Variants in DDHD1 observed in about 807,000 individuals in gnomAD.
The protein encoded by DDHD1 is DDHD domain containing 1, also known as phospholipase DDHD1.
In DDHD1, 49 loss-of-function variants were observed where a neutral mutation model predicts 96.4. That is an observed-to-expected ratio of 0.51 (90% CI 0.40 to 0.64). The LOEUF (loss-of-function observed/expected upper bound fraction) is 0.64, where lower values mean the gene tolerates loss of function less well. Ranked by LOEUF, DDHD1 falls within the 30% of genes least tolerant of loss-of-function variation. The pLI is 0.00. For missense variants in DDHD1, 1,106 were observed against 1,161.2 expected (o/e 0.95, Z 0.69); for synonymous variants, 442 against 446.5 (o/e 0.99, Z 0.13).
At chr14:53,068,635 A>G (rs905609651) in intron 6 of DDHD1, among the ~76,000 whole-genome samples, 1 of 152,104 alleles carries the variant, frequency 6.6e-6, no homozygotes, top group East Asian at 1.9e-4. Context: ...ATGTTTTCTC[A>G]TTGTCAGAAT....
chr14:53,037,173 C>T lies in DDHD1; in HGVS notation c.*9595G>A, dbSNP rs536564040. 3.3e-5 allele frequency: 5 copies of T among 152,256 alleles called. No individual in the cohort carries two copies. Among genetic ancestry groups the T allele is most frequent in the Admixed American group, 2.0e-4 (3 of 15,272 alleles). 9.4% of individuals were successfully genotyped at this position (152,256 alleles called of 1,614,324 possible). On this transcript the variant is annotated 3_prime_UTR_variant, in exon 13 of 13. Transcript: ENST00000673822. Reference sequence around the variant, plus strand: ...TACCACATTTTCTTTATCCAGTCCACTGTTGATGGGCAGCCACGTTGATCT... The same window carrying T: ...TACCACATTTTCTTTATCCAGTCCATTGTTGATGGGCAGCCACGTTGATCT...
Position 53,041,773 on chromosome 14 carries a change from G to T in DDHD1, c.*4995C>A, listed in dbSNP as rs1881671378. 1 of 152,102 alleles carries T rather than the reference G, an allele frequency of 6.6e-6. No homozygotes were observed. The highest frequency in any genetic ancestry group is 2.4e-5 in the African/African-American group (1 of 41,400). 9.4% of individuals were successfully genotyped at this position (152,102 alleles called of 1,614,324 possible). Reference sequence around the variant, plus strand: ...CAGACCTGATAGGGTACTCTTATGAGAGTCTGGAAGAAAGAAGGGACCAAC... The same window carrying T: ...CAGACCTGATAGGGTACTCTTATGATAGTCTGGAAGAAAGAAGGGACCAAC... On this transcript the variant is annotated 3_prime_UTR_variant, in exon 13 of 13. Coordinates refer to ENST00000673822, the MANE Select transcript of DDHD1 (RefSeq NM_001160148.2).
At chr14:53,070,207 C>G (rs747451150) in intron 6 of DDHD1, among the ~76,000 whole-genome samples, 6 of 152,140 alleles carry the variant, frequency 3.9e-5, no homozygotes, top group Non-Finnish European at 8.8e-5. Flanking sequence ...ATATTCTGTG[C>G]TATAAAACTC....
intron 7 of DDHD1, among the ~76,000 whole-genome samples, chr14:53,062,113 C>T (rs1883631399): frequency 6.8e-6 from 1 of 147,590 alleles, no homozygotes; most frequent in Non-Finnish European, 1.5e-5. Flanking sequence ...TGGATTTATA[C>T]ATCTAAAATG....
At chr14:53,141,733 AGT>A (rs1890652716) in intron 1 of DDHD1, among the ~76,000 whole-genome samples, 1 of 152,210 alleles carries the variant, frequency 6.6e-6, no homozygotes, top group Non-Finnish European at 1.5e-5. Flanking sequence ...ATTAAGGTGA[AGT>A]GTGAAACTTC....
intron 8 of DDHD1, 28 bp downstream of exon 8, chr14:53,061,098 G>T: frequency 6.3e-7 from 1 of 1,588,248 alleles, no homozygotes; most frequent in Non-Finnish European, 8.6e-7. Flanking sequence ...TGAGATCAAT[G>T]TTGAAGAACA....
rs549900960 is a variant in DDHD1, at chr14:53,087,066, A to T, written c.1289+4719T>A. Among the ~76,000 whole-genome samples the T allele has an allele frequency of 8.6e-5, 13 of 151,862 alleles. No individual in the cohort carries two copies. In the South Asian group the frequency reaches 2.7e-3, roughly 32 times the overall value. ...CAAAGATCGAAAGAGACAAAGAAGG[A>T]CGTTACATAATGGTAAAGGGATCAA... On this transcript the variant is annotated intron_variant, in intron 4 of 12. Transcript: ENST00000673822.
intron 9 of DDHD1, among the ~76,000 whole-genome samples, chr14:53,057,940 C>T (rs546680910): frequency 6.6e-6 from 1 of 152,324 alleles, no homozygotes; most frequent in South Asian, 2.1e-4. Flanking sequence ...ACCTCTGCCT[C>T]CCAGGTTCAA....
At chr14:53,059,494 CTT>C (rs1883353683) in intron 8 of DDHD1, among the ~76,000 whole-genome samples, 1 of 151,492 alleles carries the variant, frequency 6.6e-6, no homozygotes, top group South Asian at 2.1e-4. Context: ...ATCCGCCCAC[CTT>C]AGCCTCCCAA....
rs1018333893 is a variant in DDHD1, at chr14:53,152,910, G to C, written c.189C>G (p.Pro63=). The C allele has an allele frequency of 4.4e-6, 7 of 1,608,194 alleles. No individual in the cohort carries two copies. Among genetic ancestry groups the C allele is most frequent in the Non-Finnish European group, 5.9e-6 (7 of 1,177,768 alleles). The change falls in exon 1 of 13, where the codon CCC becomes CCG. Residue 63 remains proline (P), a synonymous_variant. Transcript: ENST00000673822. ...DVPLALLRGE[P]GLHLAPGTDD... Reference sequence around the variant, plus strand: ...CGGTGCCCGGCGCCAAATGCAGCCCGGGTTCCCCGCGCAGCAGGGCCAGGG... The same window carrying C: ...CGGTGCCCGGCGCCAAATGCAGCCCCGGTTCCCCGCGCAGCAGGGCCAGGG...
intron 3 of DDHD1, 182 bp downstream of exon 3, chr14:53,093,134 T>C (rs534765459): frequency 4.7e-6 from 2 of 427,928 alleles, no homozygotes; most frequent in East Asian, 4.5e-5. Context: ...ATAATAATTA[T>C]TCCTTGATGA....
In DDHD1 at chr14:53,128,434, T is replaced by A. The variant is rs547086240; in HGVS notation, c.838+23827A>T. Among the ~76,000 whole-genome samples, 126 of 152,320 alleles carry A rather than the reference T, an allele frequency of 8.3e-4. 2 individuals carry two copies. The highest frequency in any genetic ancestry group is 1.4e-3 in the Non-Finnish European group (98 of 68,016). ...GGTCCACTTTCTGGTTCATTGTGCC[T>A]TCTCACTGTGCCCTCACATGGTGGA... On this transcript the variant is annotated intron_variant, in intron 1 of 12. Transcript: ENST00000673822.
chr14:53,050,413 G>T (rs951077844), intron 12 of DDHD1, among the ~76,000 whole-genome samples: 2 of 151,976 alleles, frequency 1.3e-5, no homozygotes, highest in African/African-American at 4.8e-5. Flanking sequence ...ATTTTCATAG[G>T]GTCAAACAAA....
At chr14:53,069,916 A>G (rs1313640635) in intron 6 of DDHD1, among the ~76,000 whole-genome samples, 2 of 152,200 alleles carry the variant, frequency 1.3e-5, no homozygotes, top group East Asian at 3.8e-4. Context: ...AGACTAATTC[A>G]AAGGACTGGG....
At chr14:53,112,818 T>C (rs961992745) in intron 1 of DDHD1, among the ~76,000 whole-genome samples, 1 of 152,180 alleles carries the variant, frequency 6.6e-6, no homozygotes, top group Non-Finnish European at 1.5e-5. Flanking sequence ...TTCACACCTA[T>C]CACTAAGCCC....
rs1881347591 is a variant in DDHD1, at chr14:53,037,495, TG to T, written c.*9272del. On this transcript the variant is annotated 3_prime_UTR_variant, in exon 13 of 13. Coordinates refer to ENST00000673822, the MANE Select transcript of DDHD1 (RefSeq NM_001160148.2). ...GTGGTTTTGATTTGCATTTCTCTGATGATTAGTGATGAGCATTTTTTCACGT... is the reference window on the plus strand; with the variant it reads ...GTGGTTTTGATTTGCATTTCTCTGATATTAGTGATGAGCATTTTTTCACGT... 1 of 152,214 alleles carries T rather than the reference TG, an allele frequency of 6.6e-6. No individual in the cohort carries two copies. Among genetic ancestry groups the T allele is most frequent in the Non-Finnish European group, 1.5e-5 (1 of 68,024 alleles). 9.4% of individuals were successfully genotyped at this position (152,214 alleles called of 1,614,324 possible). A position where few individuals can be genotyped will look rare whatever the true frequency, so the allele number is the denominator to read the frequency against.
chr14:53,078,911 G>T (rs1266562040), intron 4 of DDHD1, among the ~76,000 whole-genome samples: 1 of 152,020 alleles, frequency 6.6e-6, no homozygotes, highest in African/African-American at 2.4e-5. Context: ...CTTTTATTAT[G>T]AAAGTATGTT....
At chr14:53,063,599 A>G (rs1482344620) in intron 6 of DDHD1, among the ~76,000 whole-genome samples, 1 of 152,070 alleles carries the variant, frequency 6.6e-6, no homozygotes, top group Admixed American at 6.6e-5. Flanking sequence ...TGTACCTTGT[A>G]GTTTTTAGTC....
intron 4 of DDHD1, among the ~76,000 whole-genome samples, chr14:53,085,165 C>T (rs1391041019): frequency 5.3e-5 from 8 of 152,196 alleles, no homozygotes; most frequent in Non-Finnish European, 8.8e-5. Flanking sequence ...GAGGCCCGCA[C>T]GCCTCTGTAG....
Sources: gnomAD v4.1 joint callset for allele counts (sites outside exome capture counted in the v4.1 genomes callset) on GRCh38, gnomAD v4.1.1 for gene constraint, MANE v1.5 for transcripts, NCBI Gene and HGNC (gene_info 2026-07-23, HGNC 2026-07-21) for gene names.